Variants in CHODL observed in about 807,000 individuals in gnomAD.
CHODL encodes the protein transmembrane protein MT75.
A neutral mutation model predicts 34.5 loss-of-function variants in CHODL; 29 were observed. The ratio of observed to expected loss-of-function variants is 0.84; its 90% CI spans 0.63 to 1.15. CHODL has a LOEUF of 1.15. CHODL is among the 50% of genes most tolerant of loss of function. The pLI, the probability that CHODL is intolerant of heterozygous loss-of-function variation, is 0.00. For missense variants in CHODL, 332 were observed against 332.5 expected (o/e 1.00, Z 0.01); for synonymous variants, 125 against 116.1 (o/e 1.08, Z -0.49).
At chr21:18,134,447 T>G in intron 2 of CHODL, 1 of 472,934 alleles carries the variant, frequency 2.1e-6, no homozygotes, top group Admixed American at 2.3e-5. Flanking sequence ...GGCTCATCTT[T>G]CTTTGCTCCT....
intron 1 of CHODL, among the ~76,000 whole-genome samples, chr21:17,980,091 CT>C (rs59630058): frequency 2.7e-3 from 366 of 134,904 alleles, no homozygotes; most frequent in East Asian, 4.0e-3. Context: ...TAAATTCATC[CT>C]TTTTTTTTTT....
At chr21:17,926,210 C>T (rs529109533) in intron 1 of CHODL, among the ~76,000 whole-genome samples, 8 of 152,022 alleles carry the variant, frequency 5.3e-5, no homozygotes, top group South Asian at 2.1e-4. Flanking sequence ...ATTTGTATTG[C>T]CATTTTACAA....
At chr21:18,130,988 C>T (rs866700901) in intron 2 of CHODL, among the ~76,000 whole-genome samples, 20 of 152,052 alleles carry the variant, frequency 1.3e-4, no homozygotes, top group African/African-American at 4.6e-4. Context: ...TATTGTCTTA[C>T]AATTCTGGAG....
At chr21:18,021,557 A>C (rs1329392812) in intron 1 of CHODL, among the ~76,000 whole-genome samples, 1 of 152,212 alleles carries the variant, frequency 6.6e-6, no homozygotes, top group African/African-American at 2.4e-5. Flanking sequence ...TATGTTAATA[A>C]ATCATCTACA....
intron 2 of CHODL, among the ~76,000 whole-genome samples, chr21:18,213,414 G>A (rs191274073): frequency 2.7e-4 from 41 of 152,082 alleles, no homozygotes; most frequent in Non-Finnish European, 3.5e-4. Flanking sequence ...CTAAACAACC[G>A]AATGCTATTA....
intron 2 of CHODL, among the ~76,000 whole-genome samples, chr21:18,194,043 C>T (rs1334468521): frequency 6.6e-6 from 1 of 152,082 alleles, no homozygotes; most frequent in Non-Finnish European, 1.5e-5. Context: ...TCCTCACACA[C>T]CTCTTTCCAT....
At chr21:17,918,848 A>T (rs1385376934) in intron 1 of CHODL, among the ~76,000 whole-genome samples, 1 of 152,218 alleles carries the variant, frequency 6.6e-6, no homozygotes, top group Admixed American at 6.5e-5. Flanking sequence ...CCTAGATACA[A>T]TGGCGGTACA....
chr21:17,954,206 A>T (rs2063480464), intron 1 of CHODL, among the ~76,000 whole-genome samples: 1 of 152,156 alleles, frequency 6.6e-6, no homozygotes, highest in African/African-American at 2.4e-5. Context: ...ATAAGTGGTT[A>T]ATTTATTGGG....
chr21:18,243,912 G>A (rs1053470106), upstream of CHODL, among the ~76,000 whole-genome samples: 2 of 152,162 alleles, frequency 1.3e-5, no homozygotes, highest in African/African-American at 4.8e-5. Flanking sequence ...AAATTCTCAT[G>A]CATTTAAAGC....
intron 2 of CHODL, among the ~76,000 whole-genome samples, chr21:18,100,976 G>A (rs1379687820): frequency 6.6e-6 from 1 of 152,082 alleles, no homozygotes; most frequent in Non-Finnish European, 1.5e-5. Flanking sequence ...ATCAGAGATG[G>A]TTCTGTAAGT....
intron 2 of CHODL, among the ~76,000 whole-genome samples, chr21:18,160,236 G>T (rs1179523431): frequency 6.6e-6 from 1 of 152,158 alleles, no homozygotes; most frequent in African/African-American, 2.4e-5. Flanking sequence ...TAAGGGACAA[G>T]GTCTCAAAGG....
chr21:18,039,914 G>C (rs928206643), intron 2 of CHODL, among the ~76,000 whole-genome samples: 2 of 151,722 alleles, frequency 1.3e-5, no homozygotes, highest in Admixed American at 1.3e-4. Context: ...ATAGATATTA[G>C]TTTTCATTTA....
chr21:18,204,981 A>AT (rs2073696376), intron 2 of CHODL, among the ~76,000 whole-genome samples: 2 of 152,192 alleles, frequency 1.3e-5, no homozygotes, highest in Admixed American at 6.5e-5. Context: ...AATCCTGGCT[A>AT]TAAGTCCATT....
At chr21:17,950,222 G>A (rs899655157) in intron 1 of CHODL, among the ~76,000 whole-genome samples, 1 of 151,410 alleles carries the variant, frequency 6.6e-6, no homozygotes, top group Non-Finnish European at 1.5e-5. Context: ...AAAAACCCAA[G>A]GAAAAGCAGA....
chr21:17,923,257 CTT>C, intron 1 of CHODL, among the ~76,000 whole-genome samples: 1 of 150,002 alleles, frequency 6.7e-6, no homozygotes, highest in East Asian at 1.9e-4. Flanking sequence ...TTACAGCAGA[CTT>C]TGTCTTTTTC....
chr21:18,192,580 AC>A (rs1206358077), intron 2 of CHODL, among the ~76,000 whole-genome samples: 1 of 152,196 alleles, frequency 6.6e-6, no homozygotes, highest in Non-Finnish European at 1.5e-5. Flanking sequence ...ACATAGGTTT[AC>A]TAGTGCTATA....
chr21:17,972,047 C>T (rs1036565526), intron 1 of CHODL, among the ~76,000 whole-genome samples: 2 of 152,140 alleles, frequency 1.3e-5, no homozygotes, highest in Admixed American at 6.6e-5. Context: ...ATAAACTGAA[C>T]CAGTGACAAA....
intron 2 of CHODL, among the ~76,000 whole-genome samples, chr21:18,105,423 C>T (rs2065261724): frequency 1.3e-5 from 2 of 152,194 alleles, no homozygotes; most frequent in South Asian, 2.1e-4. Flanking sequence ...TTCCCTGCAA[C>T]TCTGTGACTC....
intron 2 of CHODL, among the ~76,000 whole-genome samples, chr21:18,078,696 A>C (rs1007782555): frequency 6.6e-6 from 1 of 152,206 alleles, no homozygotes; most frequent in African/African-American, 2.4e-5. Context: ...AAATGACCAT[A>C]GATTTCCACT....
Sources: allele counts gnomAD v4.1 joint callset (sites outside exome capture counted in the v4.1 genomes callset), GRCh38; gene constraint gnomAD v4.1.1; transcripts MANE v1.5; gene names NCBI Gene and HGNC (gene_info 2026-07-23, HGNC 2026-07-21).